The following AK8 variants were observed in gnomAD, a reference collection of about 807,000 sequenced individuals.
AK8 encodes adenylate kinase 8.
Under a neutral mutation model 54.6 loss-of-function variants are expected in AK8, and 44 were observed. The observed-to-expected ratio is 0.81, with a 90% CI of 0.63 to 1.04. The LOEUF (loss-of-function observed/expected upper bound fraction) is 1.04. Ranked by LOEUF, AK8 falls within the 50% of genes least tolerant of loss-of-function variation. The pLI is 0.00. For synonymous variants in AK8, 239 were observed against 245.6 expected, an observed-to-expected ratio of 0.97 and a Z score of 0.25; for missense variants, 555 against 613.6, an observed-to-expected ratio of 0.90 and a Z score of 1.01.
intron 4 of AK8, among the ~76,000 whole-genome samples, chr9:132,856,135 A>T (rs1843163440): frequency 6.6e-6 from 1 of 152,212 alleles, no homozygotes; most frequent in African/African-American, 2.4e-5. Flanking sequence ...TGTAGTGCAC[A>T]ACAGGGGCTA....
chr9:132,835,809 G>C (rs1387920943), intron 5 of AK8, among the ~76,000 whole-genome samples: 2 of 152,062 alleles, frequency 1.3e-5, no homozygotes, highest in South Asian at 2.1e-4. Context: ...ACAACACAGC[G>C]AGACCCCGCT....
At chr9:132,732,741 A>G (rs17149698) in intron 11 of AK8, among the ~76,000 whole-genome samples, 2,404 of 152,228 alleles carry the variant, frequency 0.016, 59 homozygotes, top group African/African-American at 0.055. Context: ...GCCCTGGTTC[A>G]AGCTGTGCCT....
At chr9:132,839,570 C>T (rs1482632247) in intron 5 of AK8, among the ~76,000 whole-genome samples, 1 of 152,180 alleles carries the variant, frequency 6.6e-6, no homozygotes, top group African/African-American at 2.4e-5. Flanking sequence ...GACAGCATCC[C>T]TCCGCAGGCT....
At chr9:132,737,203 TG>T (rs1198274798) in intron 11 of AK8, among the ~76,000 whole-genome samples, 1 of 152,106 alleles carries the variant, frequency 6.6e-6, no homozygotes, top group Non-Finnish European at 1.5e-5. Flanking sequence ...TGAAGGCAAC[TG>T]GGGGAGAGAA....
chr9:132,863,138 G>A (rs1420418700), intron 4 of AK8, among the ~76,000 whole-genome samples: 1 of 152,262 alleles, frequency 6.6e-6, no homozygotes, highest in South Asian at 2.1e-4. Flanking sequence ...TGTGTGGGAG[G>A]GACAGGGGGA....
chr9:132,727,985 G>C (rs1312199004), intron 11 of AK8, among the ~76,000 whole-genome samples: 2 of 152,148 alleles, frequency 1.3e-5, no homozygotes, highest in African/African-American at 4.8e-5. Flanking sequence ...CTTTTCCTGG[G>C]AGCTGTGAGT....
At chr9:132,765,803 GCT>G (rs1429033889) in intron 11 of AK8, among the ~76,000 whole-genome samples, 6 of 152,054 alleles carry the variant, frequency 3.9e-5, no homozygotes, top group Admixed American at 6.6e-5. Flanking sequence ...CACTCTCATC[GCT>G]CTTATTCAAT....
At chr9:132,853,810 T>TAAAAAAAAAAAA (rs1843065733) in intron 5 of AK8, among the ~76,000 whole-genome samples, 7 of 94,130 alleles carry the variant, frequency 7.4e-5, no homozygotes, top group African/African-American at 7.3e-5. Context: ...AAAAAAAAAG[T>TAAAAAAAAAAAA]AAACAGAGTG....
chr9:132,792,812 C>T (rs1018195253), intron 10 of AK8, 37 bp from the exon 11 acceptor site: 17 of 1,540,756 alleles, frequency 1.1e-5, no homozygotes, highest in African/African-American at 4.1e-5. Flanking sequence ...CCCTGCTGGC[C>T]GGCAGCCCAT....
At chr9:132,789,587 AC>A (rs991934689) in intron 11 of AK8, among the ~76,000 whole-genome samples, 7 of 121,270 alleles carry the variant, frequency 5.8e-5, no homozygotes, top group African/African-American at 2.2e-4. Context: ...ACAGAGTGAT[AC>A]TCATCTCACA....
At chr9:132,867,071 C>T (rs778020817) in intron 2 of AK8, 118 bp from the exon 3 acceptor site, 63 of 960,004 alleles carry the variant, frequency 6.6e-5, no homozygotes, top group Admixed American at 9.1e-5. Flanking sequence ...GCCAGTGACA[C>T]GGCCATTTGT....
intron 7 of AK8, chr9:132,827,731 G>A: frequency 2.2e-6 from 1 of 448,934 alleles, no homozygotes; most frequent in Non-Finnish European, 4.0e-6. Flanking sequence ...TGGCTCCTGT[G>A]TGGGCCCCAA....
intron 2 of AK8, among the ~76,000 whole-genome samples, chr9:132,871,535 C>T (rs1312296701): frequency 3.9e-5 from 6 of 152,202 alleles, no homozygotes; most frequent in Admixed American, 1.3e-4. Context: ...GTTCCTGGGA[C>T]CCAGTGACTC....
intron 11 of AK8, among the ~76,000 whole-genome samples, chr9:132,763,690 T>C (rs1292970456): frequency 6.6e-6 from 1 of 152,284 alleles, no homozygotes; most frequent in African/African-American, 2.4e-5. Context: ...TTCCTTTTTC[T>C]GTCTACAAAT....
In AK8 at chr9:132,791,368, T is replaced by C. The variant is rs1312259024; in HGVS notation, c.1121+1266A>G. 3.3e-5 allele frequency among the ~76,000 whole-genome samples: 5 copies of C among 152,094 alleles called. No individual in the cohort carries two copies. The highest frequency in any genetic ancestry group is 5.9e-5 in the Non-Finnish European group (4 of 68,016). On this transcript the variant is annotated intron_variant, in intron 11 of 12. Transcript: ENST00000298545. The surrounding 1 kb of genome is among the most constrained non-coding windows in gnomAD (Gnocchi z 4.0). ...TCTCACCAGGTCCCTCCCTAACATG[T>C]GGGGATTATAGTTCAAGATGAGATT...
chr9:132,817,849 A>G (rs1841399567), intron 9 of AK8, among the ~76,000 whole-genome samples: 1 of 152,254 alleles, frequency 6.6e-6, no homozygotes, highest in East Asian at 1.9e-4. Flanking sequence ...TAAAAATTTC[A>G]GCCCACACAC....
chr9:132,732,292 C>T (rs1564370838), intron 11 of AK8, among the ~76,000 whole-genome samples: 1 of 151,970 alleles, frequency 6.6e-6, no homozygotes, highest in Non-Finnish European at 1.5e-5. Flanking sequence ...GATTTCTGAC[C>T]TTTCAGGGTT....
chr9:132,811,061 C>T (rs413123), intron 10 of AK8, among the ~76,000 whole-genome samples: 31,054 of 152,048 alleles, frequency 0.2, 3,456 homozygotes, highest in East Asian at 0.43. Context: ...TATGAAAATA[C>T]GTTCAACTTT....
intron 5 of AK8, among the ~76,000 whole-genome samples, chr9:132,838,852 G>A (rs1027442219): frequency 2.6e-5 from 4 of 152,158 alleles, no homozygotes; most frequent in Non-Finnish European, 5.9e-5. Flanking sequence ...AGTCATGCAG[G>A]TTCAATGGGA....
Sources: gnomAD v4.1 joint callset for allele counts (sites outside exome capture counted in the v4.1 genomes callset) on GRCh38, gnomAD v4.1.1 for gene constraint, Gnocchi (gnomAD v3.1) non-coding constraint, MANE v1.5 for transcripts, NCBI Gene and HGNC (gene_info 2026-07-23, HGNC 2026-07-21) for gene names.